The following STPG2 variants were observed in gnomAD, a reference collection of about 807,000 sequenced individuals.
STPG2 encodes the protein sperm tail PG-rich repeat containing 2.
STPG2 carries 56 observed loss-of-function variants against 54.2 expected under a neutral mutation model. That is an observed-to-expected ratio of 1.03 (90% confidence interval 0.83 to 1.29). STPG2 has a LOEUF of 1.29. Among genes scored for constraint, STPG2 ranks in the 50% most tolerant of loss-of-function variants. STPG2 has a pLI of 0.00. For missense variants in STPG2, 596 were observed against 544.9 expected, an observed-to-expected ratio of 1.09 and a Z score of -0.93; for synonymous variants, 200 against 181.8, an observed-to-expected ratio of 1.10 and a Z score of -0.81.
At chr4:97,719,140 C>G (rs1441166497) in intron 9 of STPG2, among the ~76,000 whole-genome samples, 1 of 151,918 alleles carries the variant, frequency 6.6e-6, no homozygotes, top group African/African-American at 2.4e-5. Flanking sequence ...TGGTTAATTA[C>G]AACCAAGATA....
At chr4:97,799,916 G>T (rs189232101) in intron 9 of STPG2, among the ~76,000 whole-genome samples, 1 of 151,784 alleles carries the variant, frequency 6.6e-6, no homozygotes, top group Non-Finnish European at 1.5e-5. Context: ...TTCTCTTCTC[G>T]CTTCATTTCA....
In STPG2 at chr4:97,489,583, A is replaced by G. The variant is rs540611510; in HGVS notation, c.462+223116T>C. Among the ~76,000 whole-genome samples, 9 of 151,804 alleles carry G rather than the reference A, an allele frequency of 5.9e-5. No homozygotes were observed. In the South Asian group the frequency reaches 1.9e-3, roughly 31 times the overall value. ...CTTCCCTCTTAAATGAAGGGAGGACAACCTTTTATTCCTAATGTAAGCATA... is the reference window on the plus strand; with the variant it reads ...CTTCCCTCTTAAATGAAGGGAGGACGACCTTTTATTCCTAATGTAAGCATA... On this transcript the variant is annotated intron_variant, in intron 4 of 4. Transcript: ENST00000522676.
At chr4:97,965,628 G>A (rs1428029174) in intron 7 of STPG2, among the ~76,000 whole-genome samples, 1 of 152,148 alleles carries the variant, frequency 6.6e-6, no homozygotes, top group Non-Finnish European at 1.5e-5. Context: ...GTGCCCCTCT[G>A]GGACGAAGCT....
chr4:97,894,117 T>C (rs1163031605), intron 8 of STPG2, among the ~76,000 whole-genome samples: 1 of 152,018 alleles, frequency 6.6e-6, no homozygotes, highest in Admixed American at 6.6e-5. Flanking sequence ...AAGTTTGGCC[T>C]TATGTAACTA....
chr4:97,987,564 AT>A (rs559393902), intron 5 of STPG2, among the ~76,000 whole-genome samples: 53 of 152,232 alleles, frequency 3.5e-4, no homozygotes, highest in African/African-American at 1.3e-3. Context: ...AAGAAGTACT[AT>A]TTTTTCATCA....
At chr4:98,107,915 G>GAAT (rs1431229083) in intron 4 of STPG2, among the ~76,000 whole-genome samples, 1 of 151,850 alleles carries the variant, frequency 6.6e-6, no homozygotes, top group Non-Finnish European at 1.5e-5. Context: ...GTCTTGCTTG[G>GAAT]AATAATAATA....
At position 97,616,092 on chromosome 4, in the gene STPG2, A is replaced by ATGTATG. The variant is rs1553942954; in HGVS notation, c.1321-56976_1321-56975insCATACA. Among the ~76,000 whole-genome samples the ATGTATG allele has an allele frequency of 2.5e-4, 16 of 63,294 alleles. No individual in the cohort carries two copies. The South Asian group carries it at 0.011, about 43-fold the overall frequency. 41.5% of individuals were successfully genotyped at this position (63,294 alleles called of 152,430 possible). On this transcript the variant is annotated intron_variant, in intron 10 of 10. Coordinates refer to ENST00000295268, the MANE Select transcript of STPG2 (RefSeq NM_174952.3). ...TATATATATATATATATATATATATATATGTATGTATATTTAATAGTAAGA... is the reference window on the plus strand; with the variant it reads ...TATATATATATATATATATATATATATGTATGTATGTATGTATATTTAATAGTAAGA...
intron 9 of STPG2, among the ~76,000 whole-genome samples, chr4:97,731,824 C>T (rs993000471): frequency 6.6e-6 from 1 of 152,208 alleles, no homozygotes; most frequent in Non-Finnish European, 1.5e-5. Flanking sequence ...GCTAGATACT[C>T]CTGATCTGTG....
Position 97,857,779 on chromosome 4 carries a change from A to C in STPG2, c.1045-16847T>G, listed in dbSNP as rs185139342. ...CAAAATAGCTGAGTTGAGGAAACTC[A>C]AAGAAATTCAAGAGAACACAGGAAA... On this transcript the variant is annotated intron_variant, in intron 8 of 10. Coordinates refer to ENST00000295268, the MANE Select transcript of STPG2 (RefSeq NM_174952.3). Among the ~76,000 whole-genome samples the C allele has an allele frequency of 2.7e-3, 407 of 152,224 alleles. No individual in the cohort carries two copies. In the Middle Eastern group the frequency reaches 0.031, roughly 11 times the overall value.
At position 97,712,808 on chromosome 4, in the gene STPG2, G is replaced by A. The variant is rs764199541; in HGVS notation, c.1211C>T (p.Ala404Val). ...LEKVTDGPGPAAYNPVLRKSC... is the reference protein window; with the variant it reads ...LEKVTDGPGPVAYNPVLRKSC... ...TTTCCTTAAAACAGGATTGTATGCTGCAGGACCTGAGAGACAACAAATGTA... is the reference window on the plus strand; with the variant it reads ...TTTCCTTAAAACAGGATTGTATGCTACAGGACCTGAGAGACAACAAATGTA... The change falls in exon 10 of 11, where the codon GCA (alanine) becomes GTA (valine). Residue 404 changes from alanine (A) to valine (V), a missense_variant. Physicochemically the swap from Ala to Val is moderately conservative, Grantham distance 64. Transcript: ENST00000295268. 8.8e-6 allele frequency: 14 copies of A among 1,590,202 alleles called. No homozygotes were observed. Among genetic ancestry groups the A allele is most frequent in the African/African-American group, 1.4e-5 (1 of 73,904 alleles).
chr4:97,499,285 ATCTCATAGCATGAATTACATTCAGCT>A (rs1326769168), intron 4 of STPG2, among the ~76,000 whole-genome samples: 7 of 151,932 alleles, frequency 4.6e-5, no homozygotes. Context: ...AAAAGCCCAC[ATCTCATAGCATGAATTACATTCAGCT>A]GCAGCTAAGG....
intron 9 of STPG2, among the ~76,000 whole-genome samples, chr4:97,804,914 G>A (rs574047369): frequency 6.6e-6 from 1 of 152,168 alleles, no homozygotes; most frequent in Non-Finnish European, 1.5e-5. Context: ...TAATGTAGGA[G>A]CTATAGGCTA....
intron 9 of STPG2, among the ~76,000 whole-genome samples, chr4:97,737,653 C>T (rs1304625702): frequency 6.6e-6 from 1 of 151,786 alleles, no homozygotes; most frequent in Admixed American, 6.6e-5. Context: ...AGAAGGGAAG[C>T]TTAGAGAAAA....
chr4:97,627,647 T>C (rs1014161868), intron 10 of STPG2, among the ~76,000 whole-genome samples: 3 of 152,184 alleles, frequency 2.0e-5, no homozygotes. Context: ...CCTTTCTCTT[T>C]TCATTTTCTA....
chr4:97,913,618 T>A (rs888929732), intron 8 of STPG2, among the ~76,000 whole-genome samples: 1 of 152,166 alleles, frequency 6.6e-6, no homozygotes, highest in Admixed American at 6.5e-5. Flanking sequence ...AGTTTGGCAA[T>A]ATTCCCAAGG....
intron 5 of STPG2, among the ~76,000 whole-genome samples, chr4:98,010,597 T>C (rs906123547): frequency 6.6e-6 from 1 of 152,198 alleles, no homozygotes; most frequent in Non-Finnish European, 1.5e-5. Flanking sequence ...AGCCACTATA[T>C]GTGTTTTGGT....
At chr4:97,452,728 G>A (rs532778799) in intron 4 of STPG2, among the ~76,000 whole-genome samples, 24 of 152,270 alleles carry the variant, frequency 1.6e-4, no homozygotes, top group South Asian at 1.5e-3. Flanking sequence ...CTGCAGAGAG[G>A]AGCAACCCAC....
chr4:97,730,114 T>C (rs1724751875), intron 9 of STPG2, among the ~76,000 whole-genome samples: 2 of 152,112 alleles, frequency 1.3e-5, no homozygotes, highest in African/African-American at 4.8e-5. Context: ...GCAGAGTGCA[T>C]AGTAAGCAGT....
At chr4:97,915,686 C>A (rs1434182726) in intron 8 of STPG2, among the ~76,000 whole-genome samples, 1 of 151,932 alleles carries the variant, frequency 6.6e-6, no homozygotes, top group Non-Finnish European at 1.5e-5. Context: ...ATGACGGAGG[C>A]AGGAAAGTTC....
Sources: gnomAD v4.1 joint callset for allele counts (sites outside exome capture counted in the v4.1 genomes callset) on GRCh38, gnomAD v4.1.1 for gene constraint, MANE v1.5 for transcripts, NCBI Gene and HGNC (gene_info 2026-07-23, HGNC 2026-07-21) for gene names.